Variants in NNT observed in about 807,000 individuals in gnomAD.
NNT encodes nicotinamide nucleotide transhydrogenase.
A neutral mutation model predicts 104.8 loss-of-function variants in NNT; 50 were observed. The ratio of observed to expected loss-of-function variants is 0.48; its 90% CI spans 0.38 to 0.60. The LOEUF is 0.60. Ranked by LOEUF, NNT falls within the 20% of genes least tolerant of loss-of-function variation. The pLI is 0.00. For synonymous variants in NNT, 461 were observed against 490.4 expected (o/e 0.94, Z 0.79); for missense variants, 1,131 against 1,330.7 (o/e 0.85, Z 2.33).
In NNT at chr5:43,644,267, C is replaced by A. The variant is rs752288921; in HGVS notation, c.1040C>A (p.Ala347Asp). 1 of 1,613,864 alleles carries A rather than the reference C, an allele frequency of 6.2e-7. No homozygotes were observed. The change falls in exon 8 of 22, where the codon GCT becomes GAT. Residue 347 changes from alanine to aspartate, a missense_variant. Ala to Asp is a moderately radical substitution (Grantham distance 126). Transcript: ENST00000344920. ...GAAGGTTCAGTTGTTGTGGATTTAGCTGCTGAGGCTGGTGGAAACTTTGAA... is the reference window on the plus strand; with the variant it reads ...GAAGGTTCAGTTGTTGTGGATTTAGATGCTGAGGCTGGTGGAAACTTTGAA... ...MKEGSVVVDL[A>D]AEAGGNFETT... is the part of the protein sequence containing the mutation.
chr5:43,644,724 T>C lies in NNT; in HGVS notation c.1212T>C (p.Asp404=). 6.2e-7 allele frequency: 1 copy of C among 1,614,196 alleles called. No individual in the cohort carries two copies. Among genetic ancestry groups the C allele is most frequent in the Non-Finnish European group, 8.5e-7 (1 of 1,180,032 alleles). The change falls in exon 9 of 22, where the codon GAT becomes GAC. Residue 404 remains aspartate (D), a synonymous_variant. Coordinates refer to ENST00000344920, the MANE Select transcript of NNT (RefSeq NM_182977.3). ...TGAAGGCCATCAGCCCGGACAAAGA[T>C]AATTTTTATTTTGATGTGAAAGATG... ...KLLKAISPDK[D]NFYFDVKDDF...
intron 1 of NNT, among the ~76,000 whole-genome samples, chr5:43,607,214 C>T (rs901668860): frequency 3.9e-5 from 6 of 152,174 alleles, no homozygotes; most frequent in East Asian, 1.9e-4. Flanking sequence ...GTGATCTGCA[C>T]GTATACATCC....
At chr5:43,686,238 ATTT>A (rs71610328) in intron 19 of NNT, among the ~76,000 whole-genome samples, 1 of 142,246 alleles carries the variant, frequency 7.0e-6, no homozygotes. Context: ...ATACTGTTGA[ATTT>A]TTTTTTTTTT....
chr5:43,687,402 T>C (rs1018679780), intron 19 of NNT, among the ~76,000 whole-genome samples: 18 of 152,196 alleles, frequency 1.2e-4, no homozygotes, highest in African/African-American at 4.1e-4. Context: ...CATGTGATGA[T>C]GGAATATCGA....
chr5:43,638,666 T>TG (rs1180055906), intron 7 of NNT, among the ~76,000 whole-genome samples: 15 of 148,162 alleles, frequency 1.0e-4, no homozygotes, highest in Non-Finnish European at 2.1e-4. Context: ...AAAGTTTTGT[T>TG]TTTTTTTTTT....
In NNT at chr5:43,675,526, C is replaced by A. The variant is rs1311013970; in HGVS notation, c.2650C>A (p.Leu884Met). The A allele has an allele frequency of 2.5e-6, 4 of 1,610,770 alleles. No individual in the cohort carries two copies. Among genetic ancestry groups the A allele is most frequent in the East Asian group, 2.2e-5 (1 of 44,770 alleles). ...GGCTTTCTAGGCAATGAATCGCTCC[C>A]TGGCTAATGTGATTCTTGGAGGCTA... ...YIMCVAMNRSLANVILGGYGT... is the reference protein window; with the variant it reads ...YIMCVAMNRSMANVILGGYGT... The change falls in exon 18 of 22, where the codon CTG becomes ATG. Residue 884 changes from leucine to methionine, a missense_variant. Physicochemically the swap from Leu to Met is conservative, Grantham distance 15 (BLOSUM62 2). Transcript: ENST00000344920.
chr5:43,701,030 G>A (rs1296070208), intron 20 of NNT, among the ~76,000 whole-genome samples: 1 of 152,186 alleles, frequency 6.6e-6, no homozygotes, highest in Non-Finnish European at 1.5e-5. Context: ...ACACCACCCA[G>A]TTCCAGGAAT....
intron 17 of NNT, among the ~76,000 whole-genome samples, chr5:43,667,536 C>A (rs956063918): frequency 6.6e-6 from 1 of 151,940 alleles, no homozygotes. Context: ...TTTGTTCTTG[C>A]GATAGTTTGC....
intron 19 of NNT, among the ~76,000 whole-genome samples, chr5:43,679,239 TA>T (rs1185898249): frequency 6.6e-6 from 1 of 152,240 alleles, no homozygotes. Context: ...ATGATTTTCC[TA>T]AAAAGAAACT....
At chr5:43,612,000 G>C (rs1286581570) in intron 2 of NNT, among the ~76,000 whole-genome samples, 1 of 152,148 alleles carries the variant, frequency 6.6e-6, no homozygotes, top group Non-Finnish European at 1.5e-5. Context: ...TGGCAAGTGT[G>C]AGAGCCCAGA....
chr5:43,622,356 G>A (rs1457552443), intron 5 of NNT, among the ~76,000 whole-genome samples: 1 of 152,182 alleles, frequency 6.6e-6, no homozygotes, highest in African/African-American at 2.4e-5. Context: ...TTATATGAGT[G>A]AACACGAGCA....
At chr5:43,693,235 G>C (rs1004817762) in intron 19 of NNT, among the ~76,000 whole-genome samples, 2 of 152,064 alleles carry the variant, frequency 1.3e-5, no homozygotes, top group Non-Finnish European at 2.9e-5. Context: ...CAAATTCCTG[G>C]TGATCAGTAG....
chr5:43,653,496 T>A (rs1739873956), intron 14 of NNT: 1 of 313,126 alleles, frequency 3.2e-6, no homozygotes, highest in South Asian at 6.2e-5. Context: ...GGAATCCTTA[T>A]GTATGTACTA....
chr5:43,705,292 A>G lies in NNT; in HGVS notation c.*888A>G, dbSNP rs377326235. On this transcript the variant is annotated 3_prime_UTR_variant, in exon 22 of 22. Coordinates refer to ENST00000344920, the MANE Select transcript of NNT (RefSeq NM_182977.3). The stretch of plus-strand genomic sequence containing the variant: ...GTAAAATCAAATATTTCTGCCTGTT[A>G]CAAATATCAAGGAAGACCTGCTACT... 1.3e-5 allele frequency: 2 copies of G among 152,180 alleles called. No individual in the cohort carries two copies. Among genetic ancestry groups the G allele is most frequent in the Non-Finnish European group, 2.9e-5 (2 of 68,006 alleles). 9.4% of individuals were successfully genotyped at this position (152,180 alleles called of 1,614,324 possible). A position where few individuals can be genotyped will look rare whatever the true frequency, so the allele number is the denominator to read the frequency against.
At chr5:43,639,800 G>A (rs937942233) in intron 7 of NNT, among the ~76,000 whole-genome samples, 1 of 152,082 alleles carries the variant, frequency 6.6e-6, no homozygotes, top group Non-Finnish European at 1.5e-5. Context: ...CCAGAAGGGA[G>A]CAAGAAATAT....
Position 43,619,946 on chromosome 5 carries a change from G to T in NNT, c.687+827G>T, listed in dbSNP as rs111395078. Among the ~76,000 whole-genome samples, 736 of 152,166 alleles carry T rather than the reference G, an allele frequency of 4.8e-3. 6 individuals are homozygous for T. Among genetic ancestry groups the T allele is most frequent in the African/African-American group, 0.016 (660 of 41,506 alleles). On this transcript the variant is annotated intron_variant, in intron 5 of 21. Coordinates refer to ENST00000344920, the MANE Select transcript of NNT (RefSeq NM_182977.3). ...ATGGTGAGAGAGGAATCAAGAGAGA[G>T]AAACTGAGGGAGCCAGGCTCTTCTA...
chr5:43,669,212 C>T (rs1171082730), intron 17 of NNT, among the ~76,000 whole-genome samples: 2 of 152,116 alleles, frequency 1.3e-5, no homozygotes, highest in Non-Finnish European at 2.9e-5. Flanking sequence ...GATATACAAT[C>T]ATGTCATCTG....
chr5:43,665,356 G>A (rs899343684), intron 17 of NNT, among the ~76,000 whole-genome samples: 1 of 151,906 alleles, frequency 6.6e-6, no homozygotes, highest in African/African-American at 2.4e-5. Flanking sequence ...AAGGTCTCTG[G>A]TTTTCCTAGG....
intron 4 of NNT, among the ~76,000 whole-genome samples, chr5:43,616,728 G>A (rs895130107): frequency 6.6e-6 from 1 of 152,132 alleles, no homozygotes; most frequent in Non-Finnish European, 1.5e-5. Context: ...ATGTGGCTAT[G>A]ATTGAGTAAT....
Sources: allele counts gnomAD v4.1 joint callset (sites outside exome capture counted in the v4.1 genomes callset), GRCh38; gene constraint gnomAD v4.1.1; transcripts MANE v1.5; gene names NCBI Gene and HGNC (gene_info 2026-07-23, HGNC 2026-07-21).